PREX2: variants seen among roughly 807,000 people sequenced by gnomAD.
PREX2 encodes phosphatidylinositol-3,4,5-trisphosphate dependent Rac exchange factor 2.
Under a neutral mutation model 203.2 loss-of-function variants are expected in PREX2, and 107 were observed. That is an observed-to-expected ratio of 0.53 (90% CI 0.45 to 0.62). The LOEUF is 0.62. PREX2 is among the 20% of genes least tolerant of loss of function. The pLI, the probability that PREX2 is intolerant of heterozygous loss-of-function variation, is 0.00. For missense variants in PREX2, 1,777 were observed against 1,955.9 expected (o/e 0.91, Z 1.72); for synonymous variants, 672 against 663.6 (o/e 1.01, Z -0.19).
At chr8:68,208,608 G>GCC (rs1812687563) in intron 37 of PREX2, among the ~76,000 whole-genome samples, 1 of 152,134 alleles carries the variant, frequency 6.6e-6, no homozygotes, top group Non-Finnish European at 1.5e-5. Context: ...CACGAGAAAA[G>GCC]CAGAGGAAGA....
At chr8:68,207,913 T>A (rs1266476683) in intron 37 of PREX2, among the ~76,000 whole-genome samples, 4 of 151,938 alleles carry the variant, frequency 2.6e-5, no homozygotes, top group Admixed American at 1.3e-4. Context: ...ATCATACAAA[T>A]ATGGGAACTA....
At chr8:67,985,441 A>G (rs1472621748) in intron 1 of PREX2, among the ~76,000 whole-genome samples, 1 of 152,218 alleles carries the variant, frequency 6.6e-6, no homozygotes, top group Non-Finnish European at 1.5e-5. Flanking sequence ...TGATGCTAAT[A>G]TAGTTGCAGT....
At chr8:67,971,315 A>C (rs1358371784) in intron 1 of PREX2, among the ~76,000 whole-genome samples, 1 of 152,188 alleles carries the variant, frequency 6.6e-6, no homozygotes, top group African/African-American at 2.4e-5. Flanking sequence ...AACAAAAGTC[A>C]GAAAGACTAA....
intron 33 of PREX2, among the ~76,000 whole-genome samples, chr8:68,143,410 A>G (rs1811264604): frequency 6.6e-6 from 1 of 152,248 alleles, no homozygotes; most frequent in Non-Finnish European, 1.5e-5. Context: ...AAGTTTCCTG[A>G]GGCCTCCTCA....
At chr8:68,024,639 G>A (rs1282782791) in intron 4 of PREX2, among the ~76,000 whole-genome samples, 2 of 151,758 alleles carry the variant, frequency 1.3e-5, no homozygotes, top group Admixed American at 6.6e-5. Context: ...TGTTTTTAAT[G>A]TAATTATTGA....
chr8:68,196,434 AT>A lies in PREX2; in HGVS notation c.4604+3916del, dbSNP rs575983978. On this transcript the variant is annotated intron_variant, in intron 37 of 39. Coordinates refer to ENST00000288368, the MANE Select transcript of PREX2 (RefSeq NM_024870.4). ...TATATATTATATATATGAATTATAT[AT>A]TTTTTTATATATTTAATAAAATGGA... 4.2e-3 allele frequency among the ~76,000 whole-genome samples: 619 copies of A among 146,966 alleles called. 5 individuals are homozygous for A. The highest frequency in any genetic ancestry group is 0.015 in the South Asian group (72 of 4,744).
At chr8:67,963,157 G>A (rs1340018605) in intron 1 of PREX2, among the ~76,000 whole-genome samples, 1 of 152,164 alleles carries the variant, frequency 6.6e-6, no homozygotes, top group Non-Finnish European at 1.5e-5. Flanking sequence ...GTGAGCAGAA[G>A]TGGCCTGGGT....
chr8:68,210,259 T>A (rs893454900), intron 37 of PREX2, among the ~76,000 whole-genome samples: 7 of 152,262 alleles, frequency 4.6e-5, no homozygotes, highest in East Asian at 1.9e-4. Flanking sequence ...CTTTAAAAAA[T>A]TTTTTTACTG....
chr8:68,012,170 G>A (rs1585704252), intron 1 of PREX2, among the ~76,000 whole-genome samples: 1 of 152,086 alleles, frequency 6.6e-6, no homozygotes, highest in East Asian at 1.9e-4. Flanking sequence ...CCTGAAGAAC[G>A]CAGTTCTTTC....
intron 1 of PREX2, among the ~76,000 whole-genome samples, chr8:67,989,714 T>C (rs1338344489): frequency 6.6e-6 from 1 of 152,240 alleles, no homozygotes; most frequent in Non-Finnish European, 1.5e-5. Flanking sequence ...CAATGTGTTA[T>C]TGCTAAATTC....
chr8:68,080,272 T>G (rs1341973280), intron 15 of PREX2, among the ~76,000 whole-genome samples, 171 bp from the exon 16 acceptor site: 15 of 100,742 alleles, frequency 1.5e-4, no homozygotes, highest in Non-Finnish European at 3.3e-4. Flanking sequence ...GGCTCGAAAT[T>G]ATAGAAAGAG....
At position 68,002,666 on chromosome 8, in the gene PREX2, A is replaced by AT. The variant is rs879603958; in HGVS notation, c.142-15170dup. Among the ~76,000 whole-genome samples the AT allele has an allele frequency of 5.6e-3, 801 of 143,506 alleles. 5 individuals carry two copies. Among genetic ancestry groups the AT allele is most frequent in the Non-Finnish European group, 7.6e-3 (497 of 65,000 alleles). The allele number at this position is 143,506 out of a possible 152,430, so 94.1% of individuals were successfully genotyped here. A position where few individuals can be genotyped will look rare whatever the true frequency, so the allele number is the denominator to read the frequency against. The stretch of plus-strand genomic sequence containing the variant: ...AATTAATTTTATTTGCTTCTTAATC[A>AT]TTTTTTTTTTCAGAGCAGCATTTCC... On this transcript the variant is annotated intron_variant, in intron 1 of 39. Transcript: ENST00000288368.
At chr8:68,033,908 C>G (rs6993366) in intron 6 of PREX2, among the ~76,000 whole-genome samples, 33,798 of 151,974 alleles carry the variant, frequency 0.22, 5,717 homozygotes, top group African/African-American at 0.48. Context: ...GCTATTTAAC[C>G]TACACGAGTT....
At position 68,083,314 on chromosome 8, in the gene PREX2, A is replaced by G. The variant is rs1202005671; in HGVS notation, c.1953A>G (p.Glu651=). ...TAGTTTTTATGAGACCTTTCAATGA[A>G]GTGGATTGCTTCCTGAAATCGTGTT... ...GDLVFMRPFN[E]VDCFLKSCLN... is the part of the protein sequence containing the mutation. The change falls in exon 18 of 40, where the codon GAA becomes GAG. Residue 651 remains glutamate, a synonymous_variant. Coordinates refer to ENST00000288368, the MANE Select transcript of PREX2 (RefSeq NM_024870.4). The G allele has an allele frequency of 6.2e-7, 1 of 1,611,324 alleles. No individual in the cohort carries two copies. Among genetic ancestry groups the G allele is most frequent in the Non-Finnish European group, 8.5e-7 (1 of 1,177,986 alleles).
At chr8:68,020,947 A>G (rs1807550462) in intron 3 of PREX2, among the ~76,000 whole-genome samples, 1 of 152,206 alleles carries the variant, frequency 6.6e-6, no homozygotes, top group Admixed American at 6.5e-5. Context: ...TGCTGGTTAT[A>G]TAAAGTAGCA....
intron 34 of PREX2, among the ~76,000 whole-genome samples, chr8:68,153,441 C>T (rs990581711): frequency 6.6e-6 from 1 of 151,970 alleles, no homozygotes; most frequent in Non-Finnish European, 1.5e-5. Flanking sequence ...TTGCTGACTA[C>T]CTAAATTTAA....
At chr8:67,993,312 T>C (rs1482415862) in intron 1 of PREX2, among the ~76,000 whole-genome samples, 1 of 152,178 alleles carries the variant, frequency 6.6e-6, no homozygotes, top group Non-Finnish European at 1.5e-5. Context: ...GAAGAAGAAA[T>C]GTCAAATTTG....
chr8:68,064,522 C>T (rs13260732), intron 11 of PREX2, among the ~76,000 whole-genome samples: 104,746 of 151,036 alleles, frequency 0.69, 36,376 homozygotes, highest in East Asian at 0.74. Flanking sequence ...GTGCACGCCA[C>T]CATACCCAGC....
intron 18 of PREX2, 54 bp downstream of exon 18, chr8:68,083,442 C>T: frequency 7.4e-7 from 1 of 1,346,310 alleles, no homozygotes; most frequent in South Asian, 1.4e-5. Context: ...AGATAAGTAA[C>T]ACAGAAAAGA....
Sources: allele counts gnomAD v4.1 joint callset (sites outside exome capture counted in the v4.1 genomes callset), GRCh38; gene constraint gnomAD v4.1.1; transcripts MANE v1.5; gene names NCBI Gene and HGNC (gene_info 2026-07-23, HGNC 2026-07-21).